IGF2BP3: variants seen among roughly 807,000 people sequenced by gnomAD.
IGF2BP3 encodes insulin-like growth factor 2 mRNA-binding protein 3.
A neutral mutation model predicts 73.8 loss-of-function variants in IGF2BP3; 9 were observed. That is an observed-to-expected ratio of 0.12 (90% CI 0.07 to 0.21). The LOEUF (loss-of-function observed/expected upper bound fraction) is 0.21, where lower values mean the gene tolerates loss of function less well. IGF2BP3 is among the 10% of genes least tolerant of loss of function. The pLI, the probability that IGF2BP3 is intolerant of heterozygous loss-of-function variation, is 1.00. For synonymous variants in IGF2BP3, 258 were observed against 256.7 expected, an observed-to-expected ratio of 1.01 and a Z score of -0.05; for missense variants, 542 against 714.0, an observed-to-expected ratio of 0.76 and a Z score of 2.75.
Position 23,311,036 on chromosome 7 carries a change from T to C in IGF2BP3, c.*1326A>G. The C allele has an allele frequency of 6.6e-6, 1 of 152,212 alleles. No individual in the cohort carries two copies. The highest frequency in any genetic ancestry group is 1.5e-5 in the Non-Finnish European group (1 of 68,036). 9.4% of individuals were successfully genotyped at this position (152,212 alleles called of 1,614,324 possible). On this transcript the variant is annotated 3_prime_UTR_variant, in exon 15 of 15. Transcript: ENST00000258729. The stretch of plus-strand genomic sequence containing the variant: ...AAAAACTTTTCTTGTATTCTCTATC[T>C]TTTGACTTTTTTTTCAAAGAACTGA...
intron 3 of IGF2BP3, among the ~76,000 whole-genome samples, chr7:23,401,194 T>C (rs528050798): frequency 2.0e-5 from 3 of 152,260 alleles, no homozygotes; most frequent in East Asian, 3.9e-4. Flanking sequence ...AAGGACACCA[T>C]CCATATTTAA....
intron 2 of IGF2BP3, among the ~76,000 whole-genome samples, chr7:23,421,974 T>C (rs988849087): frequency 6.6e-6 from 1 of 152,016 alleles, no homozygotes; most frequent in Non-Finnish European, 1.5e-5. Context: ...GATGGTGGTC[T>C]TGCTATGTTG....
intron 3 of IGF2BP3, among the ~76,000 whole-genome samples, chr7:23,374,170 C>T (rs1785646275): frequency 6.6e-6 from 1 of 152,158 alleles, no homozygotes; most frequent in Non-Finnish European, 1.5e-5. Context: ...TACTTCTACA[C>T]CCATGTTCAT....
intron 3 of IGF2BP3, among the ~76,000 whole-genome samples, chr7:23,401,748 G>C (rs1210838553): frequency 6.6e-6 from 1 of 151,160 alleles, no homozygotes; most frequent in Admixed American, 6.6e-5. Flanking sequence ...CTGGGTTACA[G>C]AACGAGACTC....
chr7:23,358,374 GGGTGGCTACC>G (rs1785147050), intron 5 of IGF2BP3, among the ~76,000 whole-genome samples: 1 of 152,156 alleles, frequency 6.6e-6, no homozygotes, highest in African/African-American at 2.4e-5. Context: ...ATTGAGCTTT[GGGTGGCTACC>G]GAGAAACATG....
At chr7:23,375,048 C>T (rs1294579478) in intron 3 of IGF2BP3, among the ~76,000 whole-genome samples, 3 of 152,240 alleles carry the variant, frequency 2.0e-5, no homozygotes, top group South Asian at 4.1e-4. Flanking sequence ...CACATATATA[C>T]CCAAAGAGCA....
intron 2 of IGF2BP3, among the ~76,000 whole-genome samples, chr7:23,419,361 A>G (rs945311273): frequency 6.6e-6 from 1 of 152,236 alleles, no homozygotes; most frequent in African/African-American, 2.4e-5. Context: ...TTTGACATCA[A>G]TATAAATCAG....
At chr7:23,405,100 C>T (rs1426503986) in intron 3 of IGF2BP3, 1 of 152,146 alleles carries the variant, frequency 6.6e-6, no homozygotes, top group Non-Finnish European at 1.5e-5. Flanking sequence ...CTCAATTCAA[C>T]CAAAGGTTAT....
chr7:23,432,485 G>C (rs1787708374), intron 2 of IGF2BP3, among the ~76,000 whole-genome samples: 1 of 151,872 alleles, frequency 6.6e-6, no homozygotes, highest in Admixed American at 6.6e-5. Context: ...ACTACTAGAA[G>C]GGCACGCACA....
intron 7 of IGF2BP3, among the ~76,000 whole-genome samples, chr7:23,346,423 T>C (rs1450953010): frequency 6.6e-6 from 1 of 152,036 alleles, no homozygotes. Flanking sequence ...GTGCATAATT[T>C]ATAGAAGGAA....
chr7:23,389,848 A>G (rs1362226476), intron 3 of IGF2BP3, among the ~76,000 whole-genome samples: 1 of 151,382 alleles, frequency 6.6e-6, no homozygotes. Flanking sequence ...AAAAAAAAAA[A>G]AATTAGCTGG....
At chr7:23,405,816 G>C (rs1786811118) in intron 3 of IGF2BP3, among the ~76,000 whole-genome samples, 2 of 152,122 alleles carry the variant, frequency 1.3e-5, no homozygotes, top group Non-Finnish European at 2.9e-5. Flanking sequence ...TCTTCAACCA[G>C]GGCTGTATGG....
intron 11 of IGF2BP3, 90 bp from the exon 12 acceptor site, chr7:23,317,803 G>T: frequency 1.9e-6 from 2 of 1,026,054 alleles, no homozygotes; most frequent in Non-Finnish European, 1.5e-6. Context: ...CATGTGACTG[G>T]CTGAAATGCA....
intron 3 of IGF2BP3, chr7:23,362,778 G>A (rs751934904): frequency 2.0e-5 from 3 of 152,144 alleles, no homozygotes; most frequent in African/African-American, 7.2e-5. Flanking sequence ...TTATGAGACA[G>A]GGTCTTGCTA....
intron 2 of IGF2BP3, among the ~76,000 whole-genome samples, chr7:23,462,642 G>C (rs1054284882): frequency 2.0e-5 from 3 of 152,170 alleles, no homozygotes; most frequent in Non-Finnish European, 4.4e-5. Context: ...GATTACAGGT[G>C]TGAGCCACCT....
intron 2 of IGF2BP3, among the ~76,000 whole-genome samples, chr7:23,437,569 G>A (rs1260406996): frequency 1.3e-5 from 2 of 152,068 alleles, no homozygotes; most frequent in Non-Finnish European, 2.9e-5. Context: ...GTTACATTAA[G>A]ACAATTCTGC....
chr7:23,398,653 C>T (rs1456949344), intron 3 of IGF2BP3, among the ~76,000 whole-genome samples: 1 of 152,180 alleles, frequency 6.6e-6, no homozygotes, highest in Non-Finnish European at 1.5e-5. Context: ...TTGCATTTCT[C>T]TGATGGCCAG....
At position 23,377,441 on chromosome 7, in the gene IGF2BP3, C is replaced by T. The variant is rs532261557; in HGVS notation, c.286-15700G>A. On this transcript the variant is annotated intron_variant, in intron 3 of 14. Transcript: ENST00000258729. ...AAAGTGACTTATCGCTTCACACCCA[C>T]TAGGATGGCTATAATTGAAAAGACA... is the stretch of plus-strand genomic sequence containing the variant. Among the ~76,000 whole-genome samples the T allele has an allele frequency of 1.6e-4, 25 of 152,280 alleles. 1 individual carries two copies. In the South Asian group the frequency reaches 5.0e-3, roughly 30 times the overall value.
At chr7:23,405,868 G>A (rs755399401) in intron 3 of IGF2BP3, among the ~76,000 whole-genome samples, 2 of 152,078 alleles carry the variant, frequency 1.3e-5, no homozygotes, top group Non-Finnish European at 2.9e-5. Context: ...GAAAGAATTC[G>A]CCTTCACTGA....
Sources: allele counts gnomAD v4.1 joint callset (sites outside exome capture counted in the v4.1 genomes callset), GRCh38; gene constraint gnomAD v4.1.1; transcripts MANE v1.5; gene names NCBI Gene and HGNC (gene_info 2026-07-23, HGNC 2026-07-21).